The following SIAH3 variants were observed in gnomAD, a reference collection of about 807,000 sequenced individuals.
The protein encoded by SIAH3 is seven in absentia homolog 3.
A neutral mutation model predicts 12.6 loss-of-function variants in SIAH3; 9 were observed. The observed-to-expected ratio is 0.72, with a 90% CI of 0.43 to 1.25. The LOEUF (loss-of-function observed/expected upper bound fraction) is 1.25. Among genes scored for constraint, SIAH3 ranks in the 50% most tolerant of loss-of-function variants. The pLI, the probability that SIAH3 is intolerant of heterozygous loss-of-function variation, is 0.00. For synonymous variants in SIAH3, 154 were observed against 151.1 expected, an observed-to-expected ratio of 1.02 and a Z score of -0.14; for missense variants, 390 against 365.4, an observed-to-expected ratio of 1.07 and a Z score of -0.55.
intron 1 of SIAH3, among the ~76,000 whole-genome samples, chr13:45,801,634 G>A (rs1312451247): frequency 6.6e-6 from 1 of 152,154 alleles, no homozygotes; most frequent in African/African-American, 2.4e-5. Flanking sequence ...CACACAGCTA[G>A]GGGTCAACAT....
chr13:45,783,704 A>G lies in SIAH3; in HGVS notation c.489T>C (p.Leu163=). The G allele has an allele frequency of 6.2e-7, 1 of 1,614,160 alleles. No individual in the cohort carries two copies. The highest frequency in any genetic ancestry group is 1.1e-5 in the South Asian group (1 of 91,080). The change falls in exon 2 of 2, where the codon CTT becomes CTC. Residue 163 remains leucine, a synonymous_variant. Transcript: ENST00000400405. ...TCAGCACCAACAGAAAGTGGTGGCC[A>G]AGGCAGGAGTGCATGATGATCCAAT... ...PADWIIMHSC[L]GHHFLLVLRK...
chr13:45,821,296 T>C (rs1013331759), intron 1 of SIAH3, among the ~76,000 whole-genome samples: 9 of 152,258 alleles, frequency 5.9e-5, no homozygotes, highest in African/African-American at 1.9e-4. Context: ...GAGAAAGGCC[T>C]GGGACAAATT....
intron 1 of SIAH3, among the ~76,000 whole-genome samples, chr13:45,833,624 C>A (rs775668912): frequency 6.6e-6 from 1 of 152,160 alleles, no homozygotes; most frequent in Non-Finnish European, 1.5e-5. Flanking sequence ...TTGCAGAGCA[C>A]CTTGTCAGAT....
intron 1 of SIAH3, among the ~76,000 whole-genome samples, chr13:45,792,205 GT>G (rs1950547703): frequency 6.6e-6 from 1 of 152,054 alleles, no homozygotes; most frequent in Non-Finnish European, 1.5e-5. Context: ...TATTTCAGGG[GT>G]TGGGGTATAA....
chr13:45,851,371 A>G (rs1168547811), intron 1 of SIAH3, 124 bp downstream of exon 1: 1 of 1,317,118 alleles, frequency 7.6e-7, no homozygotes, highest in African/African-American at 1.5e-5. Flanking sequence ...GGTTCCAGAC[A>G]CCGTCCCAGC....
intron 1 of SIAH3, among the ~76,000 whole-genome samples, chr13:45,832,046 G>C (rs1950701186): frequency 6.6e-6 from 1 of 152,196 alleles, no homozygotes; most frequent in Non-Finnish European, 1.5e-5. Context: ...GTGCTAGGGA[G>C]AGCCAGCCGG....
At chr13:45,784,659 C>T in intron 1 of SIAH3, among the ~76,000 whole-genome samples, 1 of 152,080 alleles carries the variant, frequency 6.6e-6, no homozygotes, top group East Asian at 1.9e-4. Context: ...AGAGTCCCCG[C>T]TGTGACTCCT....
intron 1 of SIAH3, among the ~76,000 whole-genome samples, chr13:45,849,419 A>G (rs1950771875): frequency 6.6e-6 from 1 of 152,234 alleles, no homozygotes; most frequent in Non-Finnish European, 1.5e-5. Flanking sequence ...TGAATTTGCT[A>G]TTGGAACTCT....
intron 1 of SIAH3, among the ~76,000 whole-genome samples, chr13:45,823,620 A>T (rs188137970): frequency 6.6e-6 from 1 of 152,350 alleles, no homozygotes; most frequent in East Asian, 1.9e-4. Context: ...TTCTCCAAGC[A>T]CTTGAAAGAT....
chr13:45,811,516 G>A (rs1308064672), intron 1 of SIAH3, among the ~76,000 whole-genome samples: 1 of 152,134 alleles, frequency 6.6e-6, no homozygotes, highest in Non-Finnish European at 1.5e-5. Context: ...AGGCTGGAAT[G>A]CCGTGGTATG....
chr13:45,827,923 T>C (rs1210575686), intron 1 of SIAH3, among the ~76,000 whole-genome samples: 1 of 152,236 alleles, frequency 6.6e-6, no homozygotes, highest in Non-Finnish European at 1.5e-5. Context: ...ATCTGTGCAG[T>C]TCCAACAGTG....
At chr13:45,799,553 C>A (rs930759939) in intron 1 of SIAH3, among the ~76,000 whole-genome samples, 10 of 152,132 alleles carry the variant, frequency 6.6e-5, no homozygotes, top group African/African-American at 2.4e-4. Flanking sequence ...AGGTGGGTAT[C>A]ATTATCACAA....
chr13:45,825,259 T>C (rs1950669951), intron 1 of SIAH3, among the ~76,000 whole-genome samples: 3 of 152,176 alleles, frequency 2.0e-5, no homozygotes, highest in Admixed American at 6.5e-5. Flanking sequence ...CTCCCAAAGA[T>C]AAATTGACCC....
chr13:45,822,572 GC>G (rs1453114623), intron 1 of SIAH3, among the ~76,000 whole-genome samples: 1 of 109,078 alleles, frequency 9.2e-6, no homozygotes, highest in East Asian at 2.7e-4. Context: ...TAGGGAACAG[GC>G]AAAAATGGTA....
intron 1 of SIAH3, among the ~76,000 whole-genome samples, chr13:45,826,756 A>C (rs1950679352): frequency 6.6e-6 from 1 of 152,148 alleles, no homozygotes; most frequent in African/African-American, 2.4e-5. Flanking sequence ...GAAAGACCTA[A>C]ACTCTACGTG....
chr13:45,800,340 A>T (rs559132628), intron 1 of SIAH3, among the ~76,000 whole-genome samples: 2 of 152,334 alleles, frequency 1.3e-5, no homozygotes, highest in East Asian at 3.9e-4. Flanking sequence ...TGAATGTAGC[A>T]TAATTGGTTT....
In SIAH3 at chr13:45,778,534, C is replaced by G. The variant is rs1041281951; in HGVS notation, c.*4849G>C. On this transcript the variant is annotated 3_prime_UTR_variant, in exon 2 of 2. Transcript: ENST00000400405. ...CTCTTCTCCAGAAGAGTTCGTGTTT[C>G]CCCAACAATTTGCTGTTCCGCTGGC... 2 of 152,230 alleles carry G rather than the reference C, an allele frequency of 1.3e-5. No homozygotes were observed. Among genetic ancestry groups the G allele is most frequent in the African/African-American group, 2.4e-5 (1 of 41,464 alleles). The allele number at this position is 152,230 out of a possible 1,614,324, so 9.4% of individuals were successfully genotyped here.
chr13:45,784,404 T>G (rs1278381213), intron 1 of SIAH3, among the ~76,000 whole-genome samples: 2 of 149,212 alleles, frequency 1.3e-5, no homozygotes, highest in African/African-American at 5.0e-5. Flanking sequence ...AGCTGTTTTT[T>G]TTTTTTTTTT....
chr13:45,801,149 C>T (rs935147387), intron 1 of SIAH3, among the ~76,000 whole-genome samples: 5 of 151,972 alleles, frequency 3.3e-5, no homozygotes, highest in East Asian at 3.9e-4. Flanking sequence ...AGTTCGCCAG[C>T]GCCTGACATA....
Sources: gnomAD v4.1 joint callset for allele counts (sites outside exome capture counted in the v4.1 genomes callset) on GRCh38, gnomAD v4.1.1 for gene constraint, MANE v1.5 for transcripts, NCBI Gene and HGNC (gene_info 2026-07-23, HGNC 2026-07-21) for gene names.